SYN3: variants seen among roughly 807,000 people sequenced by gnomAD.
SYN3 encodes the protein synapsin III, also known as synapsin-3.
Under a neutral mutation model 65.8 loss-of-function variants are expected in SYN3, and 35 were observed. The ratio of observed to expected loss-of-function variants is 0.53; its 90% CI spans 0.41 to 0.70. The LOEUF is 0.70. SYN3 is among the 30% of genes least tolerant of loss of function. The pLI is 0.00. For synonymous variants in SYN3, 270 were observed against 292.9 expected (o/e 0.92, Z 0.80); for missense variants, 680 against 749.0 (o/e 0.91, Z 1.08).
intron 13 of SYN3, among the ~76,000 whole-genome samples, chr22:32,516,359 A>ATTTATTTATTTG (rs2057775822): frequency 6.6e-6 from 1 of 151,438 alleles, no homozygotes; most frequent in African/African-American, 2.4e-5. Flanking sequence ...TTATTTATTT[A>ATTTATTTATTTG]TTTATTTATT....
chr22:32,795,093 T>C (rs891726589), intron 6 of SYN3, among the ~76,000 whole-genome samples: 1 of 152,202 alleles, frequency 6.6e-6, no homozygotes, highest in Non-Finnish European at 1.5e-5. Context: ...GCCCTGGGGA[T>C]GAGCCAGATC....
chr22:32,686,741 GC>G (rs1354816228), intron 6 of SYN3, among the ~76,000 whole-genome samples: 1 of 151,548 alleles, frequency 6.6e-6, no homozygotes, highest in African/African-American at 2.4e-5. Flanking sequence ...GATTACAGGC[GC>G]CCACCACCAC....
intron 6 of SYN3, among the ~76,000 whole-genome samples, chr22:32,855,738 G>A (rs553044096): frequency 2.4e-4 from 36 of 152,198 alleles, no homozygotes; most frequent in Middle Eastern, 6.8e-3. Flanking sequence ...TACCCTCTAC[G>A]AACTGTTGTG....
chr22:32,532,618 A>G (rs906553429), intron 10 of SYN3, among the ~76,000 whole-genome samples: 1 of 152,154 alleles, frequency 6.6e-6, no homozygotes, highest in African/African-American at 2.4e-5. Flanking sequence ...CCCTCCTCCT[A>G]CCTCCAAGGC....
At chr22:32,676,728 A>T (rs2060451599) in intron 6 of SYN3, among the ~76,000 whole-genome samples, 1 of 145,152 alleles carries the variant, frequency 6.9e-6, no homozygotes. Flanking sequence ...TTTTTTTAGT[A>T]GAGACGGGGT....
At chr22:32,607,040 G>C (rs886441630) in intron 6 of SYN3, among the ~76,000 whole-genome samples, 4 of 140,948 alleles carry the variant, frequency 2.8e-5, no homozygotes, top group Non-Finnish European at 4.5e-5. Flanking sequence ...GCCCCTATGT[G>C]TGATGTTCCC....
intron 12 of SYN3, among the ~76,000 whole-genome samples, chr22:32,524,688 A>G (rs969014350): frequency 3.3e-5 from 5 of 152,220 alleles, no homozygotes; most frequent in African/African-American, 1.2e-4. Flanking sequence ...ATCAAGGAGT[A>G]ATTTAAAATC....
intron 6 of SYN3, among the ~76,000 whole-genome samples, chr22:32,856,967 G>A (rs2048386886): frequency 6.6e-6 from 1 of 152,168 alleles, no homozygotes; most frequent in African/African-American, 2.4e-5. Context: ...AGTTCCAGCT[G>A]CATTGCCACA....
rs539298489 is a variant in SYN3, at chr22:32,715,500, G to T, written c.712-118764C>A. Among the ~76,000 whole-genome samples the T allele has an allele frequency of 3.9e-5, 6 of 152,274 alleles. No homozygotes were observed. The East Asian group carries it at 9.7e-4, about 24-fold the overall frequency. On this transcript the variant is annotated intron_variant, in intron 6 of 13. Transcript: ENST00000358763. The stretch of plus-strand genomic sequence containing the variant: ...TACCATTTTTAAAAAGTGAAAGATG[G>T]CTGGGCGCGGTGGCTCACGCCTGTA...
intron 6 of SYN3, among the ~76,000 whole-genome samples, chr22:32,676,528 C>CTTTTTTTTTTTTTTTTTTTT (rs879196572): frequency 6.7e-5 from 6 of 88,932 alleles, no homozygotes; most frequent in Admixed American, 1.3e-4. Flanking sequence ...TCTTTTCTTT[C>CTTTTTTTTTTTTTTTTTTTT]TTTTTTTTTT....
chr22:32,517,887 C>A (rs1446156680), intron 13 of SYN3, among the ~76,000 whole-genome samples, 156 bp downstream of exon 13: 1 of 152,160 alleles, frequency 6.6e-6, no homozygotes, highest in African/African-American at 2.4e-5. Context: ...GCCTCCCCAG[C>A]AAATTCTGTC....
chr22:32,759,974 C>G (rs1283626061), intron 6 of SYN3, among the ~76,000 whole-genome samples: 1 of 56,856 alleles, frequency 1.8e-5, no homozygotes, highest in Non-Finnish European at 3.5e-5. Context: ...CCACCCACCC[C>G]CAGCCAGTAC....
intron 6 of SYN3, among the ~76,000 whole-genome samples, chr22:32,780,481 T>A (rs1011057182): frequency 6.6e-6 from 1 of 152,178 alleles, no homozygotes; most frequent in Non-Finnish European, 1.5e-5. Context: ...ATTTTCTACC[T>A]GTGTTATCAG....
intron 6 of SYN3, among the ~76,000 whole-genome samples, chr22:32,647,504 C>T (rs4821080): frequency 0.32 from 48,551 of 150,352 alleles, 8,166 homozygotes; most frequent in Non-Finnish European, 0.38. Context: ...TGGAGTGCAG[C>T]GGTATGATCA....
chr22:32,857,964 G>C (rs955096382), intron 6 of SYN3: 2 of 1,613,670 alleles, frequency 1.2e-6, no homozygotes, highest in Non-Finnish European at 8.5e-7. Context: ...ATTCTCTCTG[G>C]GCTAGGCTCT....
At chr22:32,536,818 G>C (rs1052838542) in intron 9 of SYN3, among the ~76,000 whole-genome samples, 4 of 152,172 alleles carry the variant, frequency 2.6e-5, no homozygotes, top group Non-Finnish European at 4.4e-5. Flanking sequence ...GGCAGAGGAG[G>C]AGCCTTAAGG....
At position 32,598,429 on chromosome 22, in the gene SYN3, C is replaced by G. The variant is rs73399247; in HGVS notation, c.712-1693G>C. On this transcript the variant is annotated intron_variant, in intron 6 of 13. Coordinates refer to ENST00000358763, the MANE Select transcript of SYN3 (RefSeq NM_003490.4). The stretch of plus-strand genomic sequence containing the variant: ...CTTGAACTTGGGTCTGTCAGACTCC[C>G]AGCTTGAGTTGAACAGTTCCCTTTT... Among the ~76,000 whole-genome samples the G allele has an allele frequency of 4.4e-3, 676 of 152,294 alleles. 7 individuals are homozygous for G. The highest frequency in any genetic ancestry group is 0.015 in the African/African-American group (637 of 41,564).
At chr22:32,755,834 A>G (rs1160756527) in intron 6 of SYN3, among the ~76,000 whole-genome samples, 1 of 152,098 alleles carries the variant, frequency 6.6e-6, no homozygotes, top group Non-Finnish European at 1.5e-5. Flanking sequence ...TACGTACACA[A>G]TTTTTTTTAA....
At chr22:32,785,524 C>T (rs770313080) in intron 6 of SYN3, among the ~76,000 whole-genome samples, 1 of 152,190 alleles carries the variant, frequency 6.6e-6, no homozygotes, top group Non-Finnish European at 1.5e-5. Context: ...ACTTGGCTTG[C>T]TCCCATTAGT....
Sources: allele counts gnomAD v4.1 joint callset (sites outside exome capture counted in the v4.1 genomes callset), GRCh38; gene constraint gnomAD v4.1.1; transcripts MANE v1.5; gene names NCBI Gene and HGNC (gene_info 2026-07-23, HGNC 2026-07-21).